Variants in G2E3 observed in about 807,000 individuals in gnomAD.
G2E3 encodes the protein G2/M phase-specific E3 ubiquitin-protein ligase.
G2E3 carries 35 observed loss-of-function variants against 92.8 expected under a neutral mutation model. That is an observed-to-expected ratio of 0.38 (90% CI 0.29 to 0.50). The LOEUF (loss-of-function observed/expected upper bound fraction) is 0.50, where lower values mean the gene tolerates loss of function less well. G2E3 is among the 20% of genes least tolerant of loss of function. The pLI, the probability that G2E3 is intolerant of heterozygous loss-of-function variation, is 0.94. For missense variants in G2E3, 554 were observed against 823.8 expected, an observed-to-expected ratio of 0.67 and a Z score of 4.01; for synonymous variants, 242 against 272.4, an observed-to-expected ratio of 0.89 and a Z score of 1.10.
chr14:30,600,899 A>G (rs1172473419), intron 8 of G2E3, among the ~76,000 whole-genome samples: 1 of 152,184 alleles, frequency 6.6e-6, no homozygotes, highest in Non-Finnish European at 1.5e-5. Context: ...TCTACCTTCT[A>G]CAATTGTGAG....
At chr14:30,592,007 A>G (rs1881040102) in intron 4 of G2E3, among the ~76,000 whole-genome samples, 1 of 152,114 alleles carries the variant, frequency 6.6e-6, no homozygotes, top group Non-Finnish European at 1.5e-5. Flanking sequence ...GTTTATGTAT[A>G]TAGCTTTTAT....
intron 1 of G2E3, among the ~76,000 whole-genome samples, chr14:30,580,123 A>C (rs1380996200): frequency 6.6e-6 from 1 of 152,238 alleles, no homozygotes; most frequent in Non-Finnish European, 1.5e-5. Flanking sequence ...CAAGACAGTC[A>C]GGTGCCTGCA....
At chr14:30,602,771 T>A (rs1251664291) in intron 10 of G2E3, 3 of 152,128 alleles carry the variant, frequency 2.0e-5, no homozygotes, top group African/African-American at 7.3e-5. Context: ...GCCACCATGC[T>A]TGGCTAATTT....
At chr14:30,609,677 T>C (rs531672252) in intron 12 of G2E3, among the ~76,000 whole-genome samples, 23 of 152,302 alleles carry the variant, frequency 1.5e-4, no homozygotes, top group Non-Finnish European at 2.9e-4. Context: ...GCTAGCACAT[T>C]GAGTCTAACA....
At chr14:30,567,389 T>C (rs1566523980) in intron 1 of G2E3, among the ~76,000 whole-genome samples, 1 of 152,184 alleles carries the variant, frequency 6.6e-6, no homozygotes, top group African/African-American at 2.4e-5. Context: ...TCACTTTTGT[T>C]ATTTGTTTAA....
At chr14:30,578,743 A>T (rs977836192) in intron 1 of G2E3, among the ~76,000 whole-genome samples, 13 of 152,166 alleles carry the variant, frequency 8.5e-5, no homozygotes, top group Middle Eastern at 3.2e-3. Flanking sequence ...TGGATTTATG[A>T]TATGTTGAAT....
At chr14:30,573,269 C>T (rs1879873664) in intron 1 of G2E3, among the ~76,000 whole-genome samples, 1 of 152,060 alleles carries the variant, frequency 6.6e-6, no homozygotes, top group Non-Finnish European at 1.5e-5. Context: ...TTGCTGTGAA[C>T]CAAAGTAACT....
chr14:30,583,407 C>T (rs1291634733), intron 2 of G2E3, among the ~76,000 whole-genome samples: 2 of 152,096 alleles, frequency 1.3e-5, no homozygotes, highest in Non-Finnish European at 2.9e-5. Context: ...TCATAAAGCA[C>T]TAGTGAAGTA....
At chr14:30,560,116 T>TA (rs1458265263) in intron 1 of G2E3, 2 of 151,636 alleles carry the variant, frequency 1.3e-5, no homozygotes, top group African/African-American at 4.8e-5. Context: ...TTGGGCTTTT[T>TA]TTTTTTTAAT....
chr14:30,615,241 A>ATCAT (rs1555341655), intron 13 of G2E3, 108 bp from the exon 14 acceptor site: 6 of 584,282 alleles, frequency 1.0e-5, no homozygotes, highest in Non-Finnish European at 1.5e-5. Flanking sequence ...TTTTTTAAAA[A>ATCAT]TCATTAGCTG....
rs764180835 is a variant in G2E3 at position 30,612,307 on chromosome 14, G to A, written c.1601G>A (p.Ser534Asn). 3.1e-6 allele frequency: 5 copies of A among 1,605,032 alleles called. No individual in the cohort carries two copies. In the South Asian group the frequency reaches 5.5e-5, roughly 18 times the overall value. ...TGTCTCAGACTTATAACGACATTAA[G>A]TGATAAATATATGTTAGTAAAAGAC... ...IGCLRLITTLSDKYMLVKDIL... is the reference protein window; with the variant it reads ...IGCLRLITTLNDKYMLVKDIL... Residue 534 changes from serine (S) to asparagine (N), a missense_variant, in exon 13 of 15, where the codon AGT becomes AAT. This residue lies in a region of G2E3 where 397 missense variants were observed against 560.3 expected (regional missense o/e 0.71). Transcript: ENST00000206595.
rs201105709 is a variant in G2E3, at chr14:30,594,778, CT to C, written c.528+1152del. On this transcript the variant is annotated intron_variant, in intron 6 of 14. Coordinates refer to ENST00000206595, the MANE Select transcript of G2E3 (RefSeq NM_017769.5). ...AAAAGTAGTAAAGTTTGACTGATAC[CT>C]TTTTTTTTTTTTGTATGGACCTTGA... 8.4e-3 allele frequency among the ~76,000 whole-genome samples: 1,201 copies of C among 142,648 alleles called. 10 individuals are homozygous for C. Among genetic ancestry groups the C allele is most frequent in the African/African-American group, 0.019 (753 of 39,134 alleles). The allele number at this position is 142,648 out of a possible 152,430, so 93.6% of individuals were successfully genotyped here.
intron 4 of G2E3, chr14:30,590,699 G>C: frequency 2.2e-6 from 1 of 455,828 alleles, no homozygotes; most frequent in Non-Finnish European, 4.4e-6. Flanking sequence ...GAGGTTCTAG[G>C]GCACAAGGAA....
rs75831977 is a variant in G2E3, at chr14:30,598,578, G to A, written c.731G>A (p.Arg244Gln). 6.2e-7 allele frequency: 1 copy of A among 1,608,626 alleles called. No homozygotes were observed. Among genetic ancestry groups the A allele is most frequent in the Non-Finnish European group, 8.5e-7 (1 of 1,174,944 alleles). The change falls in exon 8 of 15, where the codon CGA becomes CAA. Residue 244 changes from arginine to glutamine, a missense_variant. This residue lies in a region of G2E3 where 397 missense variants were observed against 560.3 expected (regional missense o/e 0.71). Coordinates refer to ENST00000206595, the MANE Select transcript of G2E3 (RefSeq NM_017769.5). ...CGAAGATGTCGTTGCAAAGAAGGGC[G>A]AGACTATAATGCACCTGATAGGTAT... ...DVRRCRCKEG[R>Q]DYNAPDSKWE...
At chr14:30,606,936 T>G (rs987281215) in intron 11 of G2E3, among the ~76,000 whole-genome samples, 1 of 152,148 alleles carries the variant, frequency 6.6e-6, no homozygotes, top group Non-Finnish European at 1.5e-5. Flanking sequence ...TTTAGTGATA[T>G]AGATCAAGAA....
intron 1 of G2E3, among the ~76,000 whole-genome samples, chr14:30,571,805 A>C (rs1879780040): frequency 6.6e-6 from 1 of 152,052 alleles, no homozygotes. Context: ...TGAGCTACAC[A>C]TCTGTCTTGA....
At chr14:30,589,194 T>G (rs1324137550) in intron 3 of G2E3, among the ~76,000 whole-genome samples, 189 bp from the exon 4 acceptor site, 1 of 152,066 alleles carries the variant, frequency 6.6e-6, no homozygotes, top group East Asian at 1.9e-4. Flanking sequence ...TAATATACAG[T>G]GCCATCTAAA....
Position 30,601,902 on chromosome 14 carries a change from T to G in G2E3, c.877+8T>G. The G allele has an allele frequency of 6.2e-7, 1 of 1,611,394 alleles. No homozygotes were observed. The highest frequency in any genetic ancestry group is 1.1e-5 in the South Asian group (1 of 90,620). On this transcript the variant is annotated splice_region_variant and intron_variant, in intron 9 of 14. Coordinates refer to ENST00000206595, the MANE Select transcript of G2E3 (RefSeq NM_017769.5). ...GTATTATCTACAATTCAGGTAATTTTTTTGTAATTTTGAATAAAGTTTTTA... is the reference window on the plus strand; with the variant it reads ...GTATTATCTACAATTCAGGTAATTTGTTTGTAATTTTGAATAAAGTTTTTA...
At chr14:30,610,338 G>C (rs1237095620) in intron 12 of G2E3, among the ~76,000 whole-genome samples, 2 of 152,262 alleles carry the variant, frequency 1.3e-5, no homozygotes, top group Middle Eastern at 3.4e-3. Flanking sequence ...GAATATGGCC[G>C]GGCGCAGTGG....
Sources: allele counts gnomAD v4.1 joint callset (sites outside exome capture counted in the v4.1 genomes callset), GRCh38; gene constraint gnomAD v4.1.1; regional missense constraint gnomAD v4.1.1; transcripts MANE v1.5; gene names NCBI Gene and HGNC (gene_info 2026-07-23, HGNC 2026-07-21).